Variants in C3orf52 observed in about 807,000 individuals in gnomAD.
The protein encoded by C3orf52 is TPA-induced transmembrane protein.
In C3orf52, 22 loss-of-function variants were observed where a neutral mutation model predicts 24.8. The observed-to-expected ratio is 0.89, with a 90% CI of 0.63 to 1.27. C3orf52 has a LOEUF of 1.27. Ranked by LOEUF, C3orf52 falls within the 50% of genes most tolerant of loss-of-function variation. The probability of loss-of-function intolerance (pLI) is 0.00; values close to 1 mark genes in which losing one functional copy is unlikely to be tolerated. For missense variants in C3orf52, 265 were observed against 260.7 expected (o/e 1.02, Z -0.11); for synonymous variants, 93 against 100.2 (o/e 0.93, Z 0.43).
intron 3 of C3orf52, among the ~76,000 whole-genome samples, chr3:112,108,292 A>G (rs960722538): frequency 2.0e-5 from 3 of 152,230 alleles, no homozygotes; most frequent in Non-Finnish European, 4.4e-5. Flanking sequence ...AAATTAAAAC[A>G]ATGTGAAGCA....
Position 112,086,391 on chromosome 3 carries a change from A to G in C3orf52, c.-17A>G. The stretch of plus-strand genomic sequence containing the variant: ...TGTGGCCTCCCGCGGAGCCGCTCAG[A>G]CTTTCCCTGCCGGCACATGGACCTG... On this transcript the variant is annotated 5_prime_UTR_variant, in exon 1 of 6. Coordinates refer to ENST00000264848, the MANE Select transcript of C3orf52 (RefSeq NM_024616.3). 1 of 1,531,688 alleles carries G rather than the reference A, an allele frequency of 6.5e-7. No homozygotes were observed. The highest frequency in any genetic ancestry group is 8.8e-7 in the Non-Finnish European group (1 of 1,133,790). The allele number at this position is 1,531,688 out of a possible 1,614,324, so 94.9% of individuals were successfully genotyped here. A position where few individuals can be genotyped will look rare whatever the true frequency, so the allele number is the denominator to read the frequency against.
chr3:112,088,338 T>A lies in C3orf52; in HGVS notation c.138+1793T>A, dbSNP rs563315603. 4.6e-5 allele frequency among the ~76,000 whole-genome samples: 7 copies of A among 152,382 alleles called. No individual in the cohort carries two copies. The South Asian group carries it at 1.0e-3, about 23-fold the overall frequency. On this transcript the variant is annotated intron_variant, in intron 1 of 5. Coordinates refer to ENST00000264848, the MANE Select transcript of C3orf52 (RefSeq NM_024616.3). ...AGGCTCATTAAAAAGATTCAGACAC[T>A]TAAGAATTTTGTGTGTTGGTCTCTT...
At position 112,097,039 on chromosome 3, in the gene C3orf52, C is replaced by T. The variant is rs74915650; in HGVS notation, c.268+3550C>T. 3.3e-5 allele frequency among the ~76,000 whole-genome samples: 5 copies of T among 152,226 alleles called. No homozygotes were observed. The East Asian group carries it at 9.7e-4, about 29-fold the overall frequency. On this transcript the variant is annotated intron_variant, in intron 2 of 5. Coordinates refer to ENST00000264848, the MANE Select transcript of C3orf52 (RefSeq NM_024616.3). ...TTTTATGAGTGGAACCCAGGGAATT[C>T]TGTTATTTGAGACTCTTTAGGGAAA...
Position 112,116,975 on chromosome 3 carries a change from A to T in C3orf52, c.*329A>T. ...GTTTTGTTTCGTTTTGTTTTTTGAG[A>T]CAGGGTCTCGTTCTGTCGCTTAGCT... On this transcript the variant is annotated 3_prime_UTR_variant, in exon 6 of 6. Coordinates refer to ENST00000264848, the MANE Select transcript of C3orf52 (RefSeq NM_024616.3). 6.6e-7 allele frequency: 1 copy of T among 1,507,292 alleles called. No homozygotes were observed. Among genetic ancestry groups the T allele is most frequent in the Non-Finnish European group, 8.9e-7 (1 of 1,123,568 alleles). 93.4% of individuals were successfully genotyped at this position (1,507,292 alleles called of 1,614,324 possible).
chr3:112,095,272 C>T (rs1190908765), intron 2 of C3orf52, among the ~76,000 whole-genome samples: 1 of 152,218 alleles, frequency 6.6e-6, no homozygotes, highest in African/African-American at 2.4e-5. Flanking sequence ...CATTGCCATA[C>T]TTCCTATTCA....
intron 5 of C3orf52, among the ~76,000 whole-genome samples, chr3:112,113,980 A>G (rs151135810): frequency 6.6e-6 from 1 of 152,192 alleles, no homozygotes; most frequent in African/African-American, 2.4e-5. Context: ...TTATGTTCTC[A>G]TCCACAGTCC....
downstream of C3orf52, chr3:112,130,295 A>G (rs1251625474): frequency 8.6e-6 from 6 of 696,862 alleles, no homozygotes; most frequent in South Asian, 1.7e-5. Flanking sequence ...CAAGCATTTT[A>G]TCTTTTGTCC....
chr3:112,122,443 A>G (rs965421243), downstream of C3orf52: 2 of 152,330 alleles, frequency 1.3e-5, no homozygotes, highest in African/African-American at 4.8e-5. Flanking sequence ...TAGAGGATAG[A>G]TATAATTTGA....
chr3:112,120,770 G>A (rs1157888139), downstream of C3orf52: 1 of 152,140 alleles, frequency 6.6e-6, no homozygotes, highest in Non-Finnish European at 1.5e-5. Context: ...CAAAGGGAGT[G>A]CACAGCTTTC....
At chr3:112,127,019 A>G in intron 4 of C3orf52, 1 of 1,587,872 alleles carries the variant, frequency 6.3e-7, no homozygotes, top group South Asian at 1.1e-5. Flanking sequence ...CTTTTCAAAA[A>G]TGAGTATTTT....
rs1314880905 is a variant in C3orf52, at chr3:112,102,844, A to T, written c.275A>T (p.Tyr92Phe). The T allele has an allele frequency of 3.2e-6, 5 of 1,561,644 alleles. No homozygotes were observed. Among genetic ancestry groups the T allele is most frequent in the Non-Finnish European group, 4.3e-6 (5 of 1,152,118 alleles). ...IIGLCLAAVTYVDEDENEILE... is the reference protein window; with the variant it reads ...IIGLCLAAVTFVDEDENEILE... ...CCTCCCCTACTTTCTTTAGTAACTT[A>T]TGTTGATGAAGATGAAAATGAAATA... The change falls in exon 3 of 6, where the codon TAT (tyrosine) becomes TTT (phenylalanine). Residue 92 changes from tyrosine (Y) to phenylalanine (F), a missense_variant. By Grantham distance (22) the Tyr-to-Phe change is conservative. Transcript: ENST00000264848.
chr3:112,126,739 C>T (rs1559984310), intron 4 of C3orf52, among the ~76,000 whole-genome samples: 1 of 152,154 alleles, frequency 6.6e-6, no homozygotes, highest in African/African-American at 2.4e-5. Context: ...ATCCTTGCCC[C>T]CAGTTACTGC....
At chr3:112,132,828 A>C, downstream of C3orf52, 1 of 436,822 alleles carries the variant, frequency 2.3e-6, no homozygotes, top group Non-Finnish European at 3.8e-6. Context: ...AACCTATTAT[A>C]TAGACCTTCC....
At chr3:112,118,589 C>CT (rs2074160153), downstream of C3orf52, among the ~76,000 whole-genome samples, 2 of 152,254 alleles carry the variant, frequency 1.3e-5, no homozygotes, top group Admixed American at 6.5e-5. Context: ...ATAGAGAGGA[C>CT]TTTCCATAGA....
rs76093951 is a variant in C3orf52, at chr3:112,117,176, C to T, written c.*530C>T. Reference sequence around the variant, plus strand: ...TTACGAAGACTAAGCCAATTATTCACTGAAGTCATCCTCCTCCCCCCCACC... The same window carrying T: ...TTACGAAGACTAAGCCAATTATTCATTGAAGTCATCCTCCTCCCCCCCACC... On this transcript the variant is annotated 3_prime_UTR_variant, in exon 6 of 6. Coordinates refer to ENST00000264848, the MANE Select transcript of C3orf52 (RefSeq NM_024616.3). 1.5e-3 allele frequency: 860 copies of T among 556,694 alleles called. 15 individuals are homozygous for T. The East Asian group carries it at 0.022, about 14-fold the overall frequency. The allele number at this position is 556,694 out of a possible 1,614,324, so 34.5% of individuals were successfully genotyped here.
chr3:112,127,698 A>G, intron 4 of C3orf52, among the ~76,000 whole-genome samples: 1 of 152,244 alleles, frequency 6.6e-6, no homozygotes, highest in East Asian at 1.9e-4. Flanking sequence ...TCTATGTGCA[A>G]GGGATAGAAA....
intron 5 of C3orf52, 106 bp from the exon 6 acceptor site, chr3:112,116,536 T>C: frequency 9.2e-7 from 1 of 1,081,384 alleles, no homozygotes; most frequent in Non-Finnish European, 1.3e-6. Context: ...CTTGCAATTT[T>C]ATCTAAGATT....
At chr3:112,120,964 A>G (rs1357056857), downstream of C3orf52, 1 of 152,218 alleles carries the variant, frequency 6.6e-6, no homozygotes, top group African/African-American at 2.4e-5. Context: ...CTGACAAATC[A>G]TAATTGTGTA....
downstream of C3orf52, among the ~76,000 whole-genome samples, chr3:112,119,047 C>G (rs573456015): frequency 9.9e-5 from 15 of 152,238 alleles, no homozygotes; most frequent in African/African-American, 3.1e-4. Flanking sequence ...AGGATCAGTA[C>G]AGATGAAACA....
Sources: gnomAD v4.1 joint callset for allele counts (sites outside exome capture counted in the v4.1 genomes callset) on GRCh38, gnomAD v4.1.1 for gene constraint, MANE v1.5 for transcripts, NCBI Gene and HGNC (gene_info 2026-07-23, HGNC 2026-07-21) for gene names.